ADAM28: variants seen among roughly 807,000 people sequenced by gnomAD.
ADAM28 encodes ADAM metallopeptidase domain 28.
In ADAM28, 105 loss-of-function variants were observed where a neutral mutation model predicts 101.2. The ratio of observed to expected loss-of-function variants is 1.04; its 90% confidence interval spans 0.89 to 1.22. The LOEUF is 1.22. Among genes scored for constraint, ADAM28 ranks in the 50% most tolerant of loss-of-function variants. The pLI, the probability that ADAM28 is intolerant of heterozygous loss-of-function variation, is 0.00. For missense variants in ADAM28, 1,028 were observed against 945.4 expected (o/e 1.09, Z -1.15); for synonymous variants, 322 against 310.6 (o/e 1.04, Z -0.39).
intron 1 of ADAM28, among the ~76,000 whole-genome samples, chr8:24,298,948 T>G (rs1211494977): frequency 6.6e-6 from 1 of 152,120 alleles, no homozygotes; most frequent in South Asian, 2.1e-4. Flanking sequence ...TCCCAGCACT[T>G]TGGGAGGCCG....
At position 24,353,756 on chromosome 8, in the gene ADAM28, T is replaced by TA. The variant is rs1816446372; in HGVS notation, c.2245-13dup. 6.9e-7 allele frequency: 1 copy of TA among 1,439,376 alleles called. No homozygotes were observed. Among genetic ancestry groups the TA allele is most frequent in the Non-Finnish European group, 9.8e-7 (1 of 1,022,358 alleles). 89.2% of individuals were successfully genotyped at this position (1,439,376 alleles called of 1,614,324 possible). On this transcript the variant is annotated splice_polypyrimidine_tract_variant and intron_variant, in intron 21 of 22. Transcript: ENST00000265769. ...ATTTCTAATGCCATACCATTGTTTT[T>TA]ATAATTAACGTAGCATAAAGACACA...
chr8:24,321,260 G>C lies in ADAM28; in HGVS notation c.691G>C (p.Val231Leu). 1 of 1,607,838 alleles carries C rather than the reference G, an allele frequency of 6.2e-7. No individual in the cohort carries two copies. The highest frequency in any genetic ancestry group is 2.2e-5 in the East Asian group (1 of 44,764). Residue 231 changes from valine to leucine, a missense_variant, in exon 8 of 23, where the codon GTA becomes CTA. Transcript: ENST00000265769. ...GAATCAAGATGAGATCAGAAAGAGG[G>C]TATTTGAGATGGCTAATTATGTCAA... is the stretch of plus-strand genomic sequence containing the variant. Reference protein sequence around the residue: ...NENQDEIRKRVFEMANYVNML... With the variant: ...NENQDEIRKRLFEMANYVNML...
chr8:24,307,338 T>A (rs2129254996), intron 2 of ADAM28, among the ~76,000 whole-genome samples: 1 of 152,320 alleles, frequency 6.6e-6, no homozygotes, highest in Non-Finnish European at 1.5e-5. Flanking sequence ...TGTTTTATTA[T>A]ACAACCAGAG....
chr8:24,354,601 T>C lies in ADAM28; in HGVS notation c.*197T>C, dbSNP rs1254661227. 1 of 462,606 alleles carries C rather than the reference T, an allele frequency of 2.2e-6. No individual in the cohort carries two copies. The highest frequency in any genetic ancestry group is 3.8e-6 in the Non-Finnish European group (1 of 263,578). 28.7% of individuals were successfully genotyped at this position (462,606 alleles called of 1,614,324 possible). On this transcript the variant is annotated 3_prime_UTR_variant, in exon 23 of 23. Transcript: ENST00000265769. ...GAACATATGCCTGAGAACCTTTGCA[T>C]GAATTTAAAATTTCAATTATCCATT...
intron 21 of ADAM28, 145 bp downstream of exon 21, chr8:24,352,197 C>A (rs940030452): frequency 1.0e-5 from 8 of 791,834 alleles, no homozygotes; most frequent in Admixed American, 5.8e-5. Context: ...AATTCTTCTG[C>A]AAAATATTTT....
At chr8:24,341,792 G>A (rs778190773) in intron 16 of ADAM28, 35 bp downstream of exon 16, 4 of 1,612,146 alleles carry the variant, frequency 2.5e-6, no homozygotes, top group Non-Finnish European at 3.4e-6. Flanking sequence ...TCAAAATAGT[G>A]TTTTTTACTT....
At chr8:24,315,543 G>A (rs2129276470) in intron 6 of ADAM28, among the ~76,000 whole-genome samples, 1 of 151,960 alleles carries the variant, frequency 6.6e-6, no homozygotes, top group Middle Eastern at 3.4e-3. Flanking sequence ...AGAAAGCCTA[G>A]GACTAGATGG....
chr8:24,349,886 G>C lies in ADAM28; in HGVS notation c.2013G>C (p.Val671=), dbSNP rs7829944. ...CAGACTTCTCCATTGTGGTTGGGGT[G>C]CTGTTCCCAATGGCGGTCATTTTTG... ...VVFHFSIVVG[V]LFPMAVIFVV... The change falls in exon 19 of 23, where the codon GTG becomes GTC. Residue 671 remains valine, a synonymous_variant. Coordinates refer to ENST00000265769, the MANE Select transcript of ADAM28 (RefSeq NM_014265.6). 0.038 allele frequency: 61,589 copies of C among 1,613,118 alleles called. 1,878 individuals are homozygous for C. Among genetic ancestry groups the C allele is most frequent in the East Asian group, 0.12 (5,575 of 44,782 alleles).
At chr8:24,338,726 G>A (rs1373236436) in intron 14 of ADAM28, among the ~76,000 whole-genome samples, 2 of 152,102 alleles carry the variant, frequency 1.3e-5, no homozygotes, top group South Asian at 2.1e-4. Flanking sequence ...ATTTCCAAAC[G>A]TTTAAGACAG....
intron 18 of ADAM28, among the ~76,000 whole-genome samples, chr8:24,348,680 C>A (rs1189119548): frequency 6.6e-6 from 1 of 152,034 alleles, no homozygotes; most frequent in Non-Finnish European, 1.5e-5. Flanking sequence ...CCTAGTCCAC[C>A]ATTACCAGAA....
At position 24,358,398 on chromosome 8, in the gene ADAM28, T is replaced by C. The variant is rs1331356872; in HGVS notation, c.*3994T>C. On this transcript the variant is annotated 3_prime_UTR_variant, in exon 23 of 23. Transcript: ENST00000265769. ...CATCTGGATGTAATATGGAAAAATA[T>C]GGAAATGGTTGGGGTGATAAGCAAG... is the stretch of plus-strand genomic sequence containing the variant. 13 of 152,186 alleles carry C rather than the reference T, an allele frequency of 8.5e-5. No homozygotes were observed. Among genetic ancestry groups the C allele is most frequent in the Admixed American group, 3.3e-4 (5 of 15,272 alleles). 9.4% of individuals were successfully genotyped at this position (152,186 alleles called of 1,614,324 possible).
Position 24,339,473 on chromosome 8 carries a change from G to T in ADAM28, c.1575G>T (p.Glu525Asp), listed in dbSNP as rs200477816. ...QCTELWGPGT[E>D]VADKSCYNRN... ...GACTGATCCTGGTCCCAGGAACTGA[G>T]GTTGCAGATAAGTCATGTTACAACA... The change falls in exon 15 of 23, where the codon GAG becomes GAT. Residue 525 changes from glutamate (E) to aspartate (D), a missense_variant. Transcript: ENST00000265769. 7.4e-6 allele frequency: 12 copies of T among 1,612,484 alleles called. No homozygotes were observed. The highest frequency in any genetic ancestry group is 1.0e-5 in the Non-Finnish European group (12 of 1,179,132).
chr8:24,322,189 A>G (rs898889716), intron 8 of ADAM28, among the ~76,000 whole-genome samples: 21 of 152,132 alleles, frequency 1.4e-4, no homozygotes, highest in South Asian at 8.3e-4. Flanking sequence ...GGAAAGACAG[A>G]AGAATTATTG....
At chr8:24,325,870 G>GAAAAAAAAAAAAAAAAAA (rs1255708868) in intron 9 of ADAM28, among the ~76,000 whole-genome samples, 1 of 1,800 alleles carries the variant, frequency 5.6e-4, no homozygotes, top group Non-Finnish European at 9.7e-4. Flanking sequence ...TGTACAGATA[G>GAAAAAAAAAAAAAAAAAA]CAAAAAAAAA....
At chr8:24,336,358 C>T (rs965608286) in intron 14 of ADAM28, among the ~76,000 whole-genome samples, 95 of 151,390 alleles carry the variant, frequency 6.3e-4, no homozygotes, top group Admixed American at 3.5e-3. Context: ...CTGAGGCGGG[C>T]GGATCACGAG....
Position 24,294,125 on chromosome 8 carries a change from C to T in ADAM28, c.-25C>T, listed in dbSNP as rs1563254792. Reference sequence around the variant, plus strand: ...CACCCACCTGAGCGAGAAGAGCAGACACCGTGCTCCTGGAATCACCCAGCA... The same window carrying T: ...CACCCACCTGAGCGAGAAGAGCAGATACCGTGCTCCTGGAATCACCCAGCA... On this transcript the variant is annotated 5_prime_UTR_variant, in exon 1 of 23. Transcript: ENST00000265769. 10 of 1,614,042 alleles carry T rather than the reference C, an allele frequency of 6.2e-6. No homozygotes were observed. Among genetic ancestry groups the T allele is most frequent in the Non-Finnish European group, 6.8e-6 (8 of 1,179,926 alleles).
intron 14 of ADAM28, chr8:24,335,858 A>G (rs576899141): frequency 1.6e-6 from 2 of 1,242,290 alleles, no homozygotes; most frequent in South Asian, 3.7e-5. Context: ...CTTAAAATTA[A>G]CAAGTTTTTT....
At position 24,339,481 on chromosome 8, in the gene ADAM28, A is replaced by G. The variant is rs749570387; in HGVS notation, c.1583A>G (p.Asp528Gly). The change falls in exon 15 of 23, where the codon GAT (aspartate) becomes GGT (glycine). Residue 528 changes from aspartate to glycine, a missense_variant. Transcript: ENST00000265769. ...ELWGPGTEVA[D>G]KSCYNRNEGG... is the part of the protein sequence containing the mutation. ...CTGGTCCCAGGAACTGAGGTTGCAG[A>G]TAAGTCATGTTACAACAGGAATGAA... The G allele has an allele frequency of 8.1e-6, 13 of 1,613,108 alleles. No homozygotes were observed. The highest frequency in any genetic ancestry group is 5.3e-5 in the African/African-American group (4 of 74,894).
rs150113137 is a variant in ADAM28 at position 24,328,006 on chromosome 8, T to C, written c.972+1371T>C. 1.8e-3 allele frequency among the ~76,000 whole-genome samples: 269 copies of C among 152,182 alleles called. 1 individual carries two copies. The Middle Eastern group carries it at 0.024, about 13-fold the overall frequency. ...TTTTCATTTGTACAACAAACCCCCA[T>C]GACACAGTTTACGTAAGTAACAATC... On this transcript the variant is annotated intron_variant, in intron 10 of 22. Transcript: ENST00000265769.
Sources: gnomAD v4.1 joint callset for allele counts (sites outside exome capture counted in the v4.1 genomes callset) on GRCh38, gnomAD v4.1.1 for gene constraint, MANE v1.5 for transcripts, NCBI Gene and HGNC (gene_info 2026-07-23, HGNC 2026-07-21) for gene names.